Variants in DLEC1 observed in about 807,000 individuals in gnomAD.
DLEC1 encodes deleted in lung and esophageal cancer protein 1.
Under a neutral mutation model 198.1 loss-of-function variants are expected in DLEC1, and 146 were observed. That is an observed-to-expected ratio of 0.74 (90% CI 0.64 to 0.85). The LOEUF (loss-of-function observed/expected upper bound fraction) is 0.85, where lower values mean the gene tolerates loss of function less well. DLEC1 is among the 40% of genes least tolerant of loss of function. The probability of loss-of-function intolerance (pLI) is 0.00; values close to 1 mark genes in which losing one functional copy is unlikely to be tolerated. For synonymous variants in DLEC1, 897 were observed against 866.8 expected, an observed-to-expected ratio of 1.03 and a Z score of -0.61; for missense variants, 2,233 against 2,220.0, an observed-to-expected ratio of 1.01 and a Z score of -0.12.
At chr3:38,061,861 A>C (rs1418183951) in intron 3 of DLEC1, among the ~76,000 whole-genome samples, 1 of 152,156 alleles carries the variant, frequency 6.6e-6, no homozygotes, top group Non-Finnish European at 1.5e-5. Flanking sequence ...TTGTAGAGAT[A>C]GGGTCTCACT....
At chr3:38,057,982 A>C (rs1225648223) in intron 2 of DLEC1, among the ~76,000 whole-genome samples, 1 of 151,818 alleles carries the variant, frequency 6.6e-6, no homozygotes, top group Non-Finnish European at 1.5e-5. Context: ...ACACCTGGCT[A>C]ATTTTTGTAT....
chr3:38,116,521 T>A lies in DLEC1; in HGVS notation c.3925T>A (p.Phe1309Ile), dbSNP rs1201853385. ...AGACCGGCTGGTGGAGCTGCTGGTG[T>A]TTTATGGGCCACCTTTCCCGCTGCG... ...KEDRLVELLV[F>I]YGPPFPLRDQ... Residue 1309 changes from phenylalanine to isoleucine, a missense_variant, in exon 28 of 37, where the codon TTT becomes ATT. Coordinates refer to ENST00000308059, the MANE Select transcript of DLEC1 (RefSeq NM_007335.4). 1 of 1,613,884 alleles carries A rather than the reference T, an allele frequency of 6.2e-7. No homozygotes were observed. Among genetic ancestry groups the A allele is most frequent in the Non-Finnish European group, 8.5e-7 (1 of 1,179,962 alleles).
At chr3:38,058,802 T>G (rs6762863) in intron 2 of DLEC1, among the ~76,000 whole-genome samples, 62,464 of 151,604 alleles carry the variant, frequency 0.41, 13,346 homozygotes, top group East Asian at 0.59. Flanking sequence ...TTGATAATGG[T>G]GGAGGCTGTG....
intron 6 of DLEC1, among the ~76,000 whole-genome samples, chr3:38,083,293 G>C (rs1432019591): frequency 4.0e-5 from 6 of 151,450 alleles, no homozygotes; most frequent in African/African-American, 4.9e-5. Context: ...AAGGGAGATG[G>C]GGTGGGGCTG....
chr3:38,114,468 A>G lies in DLEC1; in HGVS notation c.3785+8A>G, dbSNP rs752214339. ...GAAGGAACCAGCCATGAGGTGCTCC[A>G]TGCTCAGCCTGAGCCTCTGCTCCCT... On this transcript the variant is annotated splice_region_variant and intron_variant, in intron 26 of 36. Coordinates refer to ENST00000308059, the MANE Select transcript of DLEC1 (RefSeq NM_007335.4). The G allele has an allele frequency of 5.0e-6, 8 of 1,613,158 alleles. No homozygotes were observed. In the South Asian group the frequency reaches 8.8e-5, roughly 18 times the overall value.
At position 38,117,292 on chromosome 3, in the gene DLEC1, A is replaced by T; in HGVS notation, c.4390A>T (p.Arg1464Trp). Residue 1464 changes from arginine (R) to tryptophan (W), a missense_variant, in exon 31 of 37, where the codon AGG becomes TGG. Arg to Trp is a moderately radical substitution (Grantham distance 101). Transcript: ENST00000308059. Reference protein sequence around the residue: ...PLKLDLHSYVRPAQLSVELDY... With the variant: ...PLKLDLHSYVWPAQLSVELDY... ...GAAACTGGACCTGCATAGCTACGTGAGGCCTGCACAGTGAGTCAGCTGGGG... is the reference window on the plus strand; with the variant it reads ...GAAACTGGACCTGCATAGCTACGTGTGGCCTGCACAGTGAGTCAGCTGGGG... 1 of 1,614,088 alleles carries T rather than the reference A, an allele frequency of 6.2e-7. No individual in the cohort carries two copies. The highest frequency in any genetic ancestry group is 8.5e-7 in the Non-Finnish European group (1 of 1,179,974).
chr3:38,060,326 G>T (rs1190795879), intron 3 of DLEC1, among the ~76,000 whole-genome samples: 1 of 152,226 alleles, frequency 6.6e-6, no homozygotes, highest in Non-Finnish European at 1.5e-5. Context: ...CCAGTTTCCT[G>T]TGATATGGGA....
At chr3:38,104,638 T>A (rs1341093569) in intron 19 of DLEC1, among the ~76,000 whole-genome samples, 1 of 152,212 alleles carries the variant, frequency 6.6e-6, no homozygotes, top group East Asian at 1.9e-4. Flanking sequence ...ATGTCCCCAC[T>A]TTCATTCCTG....
intron 6 of DLEC1, among the ~76,000 whole-genome samples, chr3:38,080,383 T>C (rs1697904949): frequency 6.6e-6 from 1 of 151,910 alleles, no homozygotes. Flanking sequence ...CAATGATGCT[T>C]GGGGTTGGGA....
chr3:38,053,832 C>T (rs1701274598), intron 2 of DLEC1, among the ~76,000 whole-genome samples: 2 of 152,140 alleles, frequency 1.3e-5, no homozygotes, highest in Non-Finnish European at 2.9e-5. Flanking sequence ...TAGGAGACTC[C>T]ATTTTGTTCT....
chr3:38,094,813 G>A (rs559659957), intron 12 of DLEC1, 66 bp from the exon 13 acceptor site: 21 of 1,564,400 alleles, frequency 1.3e-5, no homozygotes, highest in Non-Finnish European at 1.7e-5. Context: ...GGGCAGGGAG[G>A]CATGGGGTGG....
rs537269999 is a variant in DLEC1 at position 38,114,231 on chromosome 3, G to A, written c.3667-111G>A. 113 of 905,058 alleles carry A rather than the reference G, an allele frequency of 1.2e-4. No individual in the cohort carries two copies. In the Admixed American group the frequency reaches 2.0e-3, roughly 16 times the overall value. 56.1% of individuals were successfully genotyped at this position (905,058 alleles called of 1,614,324 possible). On this transcript the variant is annotated intron_variant, in intron 25 of 36. Transcript: ENST00000308059. ...AGACAGAGTGGTACACAGTGAGGCT[G>A]GGACCAAACTGTGGGGCCCCTGGGC...
At chr3:38,072,281 T>C (rs968132633) in intron 6 of DLEC1, among the ~76,000 whole-genome samples, 1 of 151,868 alleles carries the variant, frequency 6.6e-6, no homozygotes, top group Non-Finnish European at 1.5e-5. Context: ...AGGAAGAAAA[T>C]AGATTTTGGA....
chr3:38,077,320 G>A (rs1420174718), intron 6 of DLEC1, among the ~76,000 whole-genome samples: 2 of 152,298 alleles, frequency 1.3e-5, no homozygotes, highest in Middle Eastern at 3.4e-3. Flanking sequence ...GTGTTTTTGG[G>A]GCACAGTCTA....
rs759013575 is a variant in DLEC1, at chr3:38,062,601, T to A, written c.894T>A (p.Asn298Lys). Residue 298 changes from asparagine (N) to lysine (K), a missense_variant, in exon 5 of 37, where the codon AAT becomes AAA. By Grantham distance (94) the Asn-to-Lys change is moderately conservative. Transcript: ENST00000308059. ...EPLKKASQPR[N>K]KNWMNHLRVP... ...CAAAGAAAGCAAGTCAACCAAGGAA[T>A]AAAAACTGGATGAACCACTTACGTG... The A allele has an allele frequency of 6.2e-7, 1 of 1,614,038 alleles. No individual in the cohort carries two copies. The highest frequency in any genetic ancestry group is 8.5e-7 in the Non-Finnish European group (1 of 1,180,034).
Position 38,065,269 on chromosome 3 carries a change from G to A in DLEC1, c.1173+1350G>A, listed in dbSNP as rs1696958340. Among the ~76,000 whole-genome samples the A allele has an allele frequency of 2.0e-5, 3 of 152,232 alleles. No homozygotes were observed. The South Asian group carries it at 6.2e-4, about 32-fold the overall frequency. On this transcript the variant is annotated intron_variant, in intron 6 of 36. Coordinates refer to ENST00000308059, the MANE Select transcript of DLEC1 (RefSeq NM_007335.4). ...AGGAGAATCAGGCAGGGAGGTTGTA[G>A]TGAGTCGAGATGGCGGCAGTACAGT...
At chr3:38,073,627 G>A (rs889319846) in intron 6 of DLEC1, among the ~76,000 whole-genome samples, 5 of 152,078 alleles carry the variant, frequency 3.3e-5, no homozygotes, top group East Asian at 1.9e-4. Context: ...AAAATATCTC[G>A]GCCTAATAAG....
chr3:38,067,752 CTTTT>C (rs34213412), intron 6 of DLEC1, among the ~76,000 whole-genome samples: 2 of 123,732 alleles, frequency 1.6e-5, no homozygotes, highest in Non-Finnish European at 1.6e-5. Flanking sequence ...AGTATCTGCA[CTTTT>C]TTTTTTTTTT....
At chr3:38,083,343 A>G (rs545993955) in intron 6 of DLEC1, among the ~76,000 whole-genome samples, 13 of 150,368 alleles carry the variant, frequency 8.6e-5, no homozygotes, top group African/African-American at 2.5e-4. Context: ...ATTACAGTCA[A>G]AGGGGGTTTG....
Sources: allele counts gnomAD v4.1 joint callset (sites outside exome capture counted in the v4.1 genomes callset), GRCh38; gene constraint gnomAD v4.1.1; transcripts MANE v1.5; gene names NCBI Gene and HGNC (gene_info 2026-07-23, HGNC 2026-07-21).